BNC2: variants seen among roughly 807,000 people sequenced by gnomAD.
The protein encoded by BNC2 is basonuclin zinc finger protein 2.
A neutral mutation model predicts 76.3 loss-of-function variants in BNC2; 20 were observed. That is an observed-to-expected ratio of 0.26 (90% CI 0.18 to 0.38). BNC2 has a LOEUF of 0.38. BNC2 is among the 10% of genes least tolerant of loss of function. The probability of loss-of-function intolerance (pLI) is 1.00; values close to 1 mark genes in which losing one functional copy is unlikely to be tolerated. For synonymous variants in BNC2, 582 were observed against 514.8 expected (o/e 1.13, Z -1.77); for missense variants, 1,382 against 1,399.8 (o/e 0.99, Z 0.20).
chr9:16,843,021 T>A (rs1818873651), intron 1 of BNC2, among the ~76,000 whole-genome samples: 1 of 152,166 alleles, frequency 6.6e-6, no homozygotes. Context: ...AATTCAAAGT[T>A]TTTTAATGAA....
At chr9:16,574,711 T>C (rs754958470) in intron 4 of BNC2, among the ~76,000 whole-genome samples, 1 of 152,224 alleles carries the variant, frequency 6.6e-6, no homozygotes, top group Non-Finnish European at 1.5e-5. Context: ...TTAATATTGA[T>C]GTTTAATATT....
At chr9:16,552,809 A>G (rs1057398024) in intron 4 of BNC2, 44 bp from the exon 5 acceptor site, 25 of 1,491,542 alleles carry the variant, frequency 1.7e-5, no homozygotes, top group Non-Finnish European at 2.2e-5. Flanking sequence ...GGTGTTGGGA[A>G]TAAGATAAAG....
chr9:16,862,658 CTCTT>C (rs1215000683), intron 1 of BNC2, among the ~76,000 whole-genome samples: 3 of 152,298 alleles, frequency 2.0e-5, no homozygotes, highest in Non-Finnish European at 1.5e-5. Context: ...GTATTCCTCT[CTCTT>C]TAATTACCAC....
intron 5 of BNC2, among the ~76,000 whole-genome samples, chr9:16,518,565 C>G (rs1366222405): frequency 1.4e-5 from 2 of 138,840 alleles, no homozygotes; most frequent in Non-Finnish European, 3.0e-5. Flanking sequence ...GTGCAAAAGT[C>G]ATATATATAT....
chr9:16,686,072 C>G (rs1054099134), intron 3 of BNC2, among the ~76,000 whole-genome samples: 2 of 152,112 alleles, frequency 1.3e-5, no homozygotes, highest in Non-Finnish European at 2.9e-5. Context: ...TTCAACAATG[C>G]CTAAGTTCCT....
intron 5 of BNC2, among the ~76,000 whole-genome samples, chr9:16,485,266 C>T (rs1349571535): frequency 1.3e-5 from 2 of 152,158 alleles, no homozygotes; most frequent in Non-Finnish European, 2.9e-5. Flanking sequence ...GAAAAAGAAG[C>T]CCTTTCACAG....
intron 5 of BNC2, among the ~76,000 whole-genome samples, chr9:16,502,598 T>C (rs553114886): frequency 6.6e-6 from 1 of 152,262 alleles, no homozygotes; most frequent in South Asian, 2.1e-4. Context: ...ACTTGAAGAA[T>C]ATCATTCTGC....
At chr9:16,486,984 C>A (rs1462514908) in intron 5 of BNC2, among the ~76,000 whole-genome samples, 1 of 152,190 alleles carries the variant, frequency 6.6e-6, no homozygotes, top group African/African-American at 2.4e-5. Context: ...ACCAAAATTA[C>A]AGTTGTGAGC....
chr9:16,507,358 C>G (rs1423741382), intron 5 of BNC2, among the ~76,000 whole-genome samples: 2 of 142,048 alleles, frequency 1.4e-5, no homozygotes, highest in African/African-American at 5.2e-5. Flanking sequence ...CTCCTGGGTT[C>G]AAACGATTCT....
At chr9:16,754,139 T>C (rs1825306720) in intron 1 of BNC2, among the ~76,000 whole-genome samples, 1 of 152,250 alleles carries the variant, frequency 6.6e-6, no homozygotes. Flanking sequence ...TTAGAACTGG[T>C]GGTCTACAGA....
In BNC2 at chr9:16,416,031, A is replaced by G. The variant is rs1277507387; in HGVS notation, c.*2958T>C. On this transcript the variant is annotated 3_prime_UTR_variant, in exon 7 of 7. Coordinates refer to ENST00000380672, the MANE Select transcript of BNC2 (RefSeq NM_017637.6). Reference sequence around the variant, plus strand: ...GGACTTTTTCTAACTGGCTATACACATTAGCTTGGTTTGCAGCAAGTAACA... The same window carrying G: ...GGACTTTTTCTAACTGGCTATACACGTTAGCTTGGTTTGCAGCAAGTAACA... The G allele has an allele frequency of 6.6e-6, 1 of 152,214 alleles. No individual in the cohort carries two copies. The highest frequency in any genetic ancestry group is 1.5e-5 in the Non-Finnish European group (1 of 68,040). 9.4% of individuals were successfully genotyped at this position (152,214 alleles called of 1,614,324 possible). A position where few individuals can be genotyped will look rare whatever the true frequency, so the allele number is the denominator to read the frequency against.
intron 1 of BNC2, among the ~76,000 whole-genome samples, chr9:16,774,476 G>C (rs953296922): frequency 1.3e-5 from 2 of 152,170 alleles, no homozygotes; most frequent in African/African-American, 4.8e-5. Context: ...CTGACATACA[G>C]ACCATAGCTT....
chr9:16,514,197 G>C (rs1822824568), intron 5 of BNC2, among the ~76,000 whole-genome samples: 1 of 152,170 alleles, frequency 6.6e-6, no homozygotes, highest in African/African-American at 2.4e-5. Context: ...GATTCGTCTG[G>C]TTTCAAGGGA....
At chr9:16,863,115 A>C (rs1227669371) in intron 1 of BNC2, among the ~76,000 whole-genome samples, 1 of 151,752 alleles carries the variant, frequency 6.6e-6, no homozygotes, top group Non-Finnish European at 1.5e-5. Context: ...GGGTTTCACC[A>C]TATTGGCCAG....
In BNC2 at chr9:16,431,308, C is replaced by T. The variant is rs542202437; in HGVS notation, c.2639+4247G>A. The T allele has an allele frequency of 3.3e-4, 84 of 252,484 alleles. 1 individual carries two copies. The East Asian group carries it at 7.8e-3, about 24-fold the overall frequency. The allele number at this position is 252,484 out of a possible 1,614,324, so 15.6% of individuals were successfully genotyped here. A position where few individuals can be genotyped will look rare whatever the true frequency, so the allele number is the denominator to read the frequency against. On this transcript the variant is annotated intron_variant, in intron 6 of 6. Transcript: ENST00000380672. Reference sequence around the variant, plus strand: ...AAACCAAATGCAACTTATAAATAGGCTTCCCTTCAAAATGGGTGACCTATG... The same window carrying T: ...AAACCAAATGCAACTTATAAATAGGTTTCCCTTCAAAATGGGTGACCTATG...
rs1322401809 is a variant in BNC2 at position 16,552,663 on chromosome 9, G to A, written c.536C>T (p.Thr179Ile). ...FDISSLMLYGTQAVPVRLKIL... is the reference protein window; with the variant it reads ...FDISSLMLYGIQAVPVRLKIL... ...CTTTAGCCGCACAGGCACTGCTTGTGTCCCATAGAGCATCAGGCTGCTGAT... is the reference window on the plus strand; with the variant it reads ...CTTTAGCCGCACAGGCACTGCTTGTATCCCATAGAGCATCAGGCTGCTGAT... The change falls in exon 5 of 7, where the codon ACA becomes ATA. Residue 179 changes from threonine to isoleucine, a missense_variant. Thr to Ile is a moderately conservative substitution (Grantham distance 89). Transcript: ENST00000380672. The A allele has an allele frequency of 6.2e-7, 1 of 1,614,192 alleles. No individual in the cohort carries two copies. Among genetic ancestry groups the A allele is most frequent in the Non-Finnish European group, 8.5e-7 (1 of 1,180,042 alleles).
intron 5 of BNC2, among the ~76,000 whole-genome samples, chr9:16,481,319 C>CG (rs555677784): frequency 3.5e-3 from 539 of 152,222 alleles, no homozygotes; most frequent in Non-Finnish European, 5.4e-3. Context: ...GCAACCCGCT[C>CG]GGGTCCCCTT....
chr9:16,430,937 G>T (rs930153116), intron 6 of BNC2, among the ~76,000 whole-genome samples: 1 of 152,108 alleles, frequency 6.6e-6, no homozygotes, highest in Non-Finnish European at 1.5e-5. Flanking sequence ...ATATAATTTG[G>T]TCTTTAAATT....
chr9:16,823,427 C>CAAA (rs34451487), intron 1 of BNC2, among the ~76,000 whole-genome samples: 4 of 113,068 alleles, frequency 3.5e-5, no homozygotes, highest in Non-Finnish European at 6.9e-5. Context: ...CCTGTCTCTA[C>CAAA]AAAAAAAAAA....
Sources: gnomAD v4.1 joint callset for allele counts (sites outside exome capture counted in the v4.1 genomes callset) on GRCh38, gnomAD v4.1.1 for gene constraint, MANE v1.5 for transcripts, NCBI Gene and HGNC (gene_info 2026-07-23, HGNC 2026-07-21) for gene names.